Variants in CDK14 observed in about 807,000 individuals in gnomAD.
The protein encoded by CDK14 is cyclin-dependent kinase 14.
CDK14 carries 34 observed loss-of-function variants against 60.7 expected under a neutral mutation model. The observed-to-expected ratio is 0.56, with a 90% confidence interval of 0.43 to 0.75. CDK14 has a LOEUF of 0.75. Ranked by LOEUF, CDK14 falls within the 30% of genes least tolerant of loss-of-function variation. CDK14 has a pLI of 0.00. For missense variants in CDK14, 482 were observed against 564.1 expected, an observed-to-expected ratio of 0.85 and a Z score of 1.47; for synonymous variants, 197 against 203.7, an observed-to-expected ratio of 0.97 and a Z score of 0.28.
At chr7:91,077,250 T>C (rs572402672) in intron 11 of CDK14, among the ~76,000 whole-genome samples, 1 of 152,256 alleles carries the variant, frequency 6.6e-6, no homozygotes, top group East Asian at 1.9e-4. Context: ...CCAACCCAAA[T>C]GCCCATCAAT....
intron 12 of CDK14, among the ~76,000 whole-genome samples, chr7:91,111,901 G>T (rs886656104): frequency 6.6e-6 from 1 of 152,150 alleles, no homozygotes; most frequent in Middle Eastern, 3.4e-3. Context: ...TTATTATTAC[G>T]CCTTTTTCTG....
intron 14 of CDK14, among the ~76,000 whole-genome samples, chr7:91,118,488 C>T (rs1359088872): frequency 2.0e-5 from 3 of 152,196 alleles, no homozygotes; most frequent in Non-Finnish European, 4.4e-5. Context: ...TCACATTCCT[C>T]ATGGAGATTA....
chr7:90,949,622 T>C (rs1794197121), intron 8 of CDK14, among the ~76,000 whole-genome samples: 1 of 152,236 alleles, frequency 6.6e-6, no homozygotes, highest in East Asian at 1.9e-4. Context: ...CTTAACATGT[T>C]TCAGTGTCTT....
At chr7:90,866,541 C>T (rs1363896344) in intron 6 of CDK14, among the ~76,000 whole-genome samples, 3 of 152,042 alleles carry the variant, frequency 2.0e-5, no homozygotes, top group South Asian at 2.1e-4. Flanking sequence ...TCATTAGATA[C>T]TATTGTATTT....
At chr7:90,643,526 A>T (rs909591703) in intron 2 of CDK14, among the ~76,000 whole-genome samples, 2 of 152,198 alleles carry the variant, frequency 1.3e-5, no homozygotes, top group African/African-American at 4.8e-5. Context: ...TAGCTGGTCC[A>T]GTAGTAGCAA....
chr7:90,920,923 C>T (rs1277707374), intron 8 of CDK14, among the ~76,000 whole-genome samples: 3 of 150,466 alleles, frequency 2.0e-5, no homozygotes, highest in East Asian at 3.9e-4. Context: ...TCCAGGTAGT[C>T]AAAATGCTGT....
chr7:91,171,857 G>A (rs1801531631), intron 14 of CDK14, among the ~76,000 whole-genome samples: 1 of 152,138 alleles, frequency 6.6e-6, no homozygotes, highest in South Asian at 2.1e-4. Flanking sequence ...ATGTTGGTTA[G>A]GCTGGTCTCG....
At chr7:90,681,056 C>T (rs1479677604) in intron 2 of CDK14, among the ~76,000 whole-genome samples, 2 of 152,158 alleles carry the variant, frequency 1.3e-5, no homozygotes, top group Admixed American at 6.5e-5. Context: ...ATTTATTTTA[C>T]AAGAGTGCAT....
rs1406818786 is a variant in CDK14 at position 90,946,528 on chromosome 7, C to T, written c.827-9169C>T. On this transcript the variant is annotated intron_variant, in intron 8 of 14. Transcript: ENST00000380050. ...AGTATTACAATAATTCAATATGACC[C>T]AAAGCTTTTTTTTCTTGAATTTGCT... Among the ~76,000 whole-genome samples the T allele has an allele frequency of 5.3e-5, 8 of 152,084 alleles. No homozygotes were observed. In the East Asian group the frequency reaches 1.5e-3, roughly 29 times the overall value.
rs946529784 is a variant in CDK14, at chr7:90,690,817, A to G, written c.124-35750A>G. On this transcript the variant is annotated intron_variant, in intron 2 of 14. Transcript: ENST00000380050. Reference sequence around the variant, plus strand: ...ATTTTCCCCATGGTTGTAATAAAATAATTTTTGTATCATGATATGTAAGAG... The same window carrying G: ...ATTTTCCCCATGGTTGTAATAAAATGATTTTTGTATCATGATATGTAAGAG... Among the ~76,000 whole-genome samples, 8 of 152,206 alleles carry G rather than the reference A, an allele frequency of 5.3e-5. 1 individual carries two copies. Among genetic ancestry groups the G allele is most frequent in the African/African-American group, 1.9e-4 (8 of 41,464 alleles).
intron 2 of CDK14, among the ~76,000 whole-genome samples, chr7:90,686,091 T>C (rs927525193): frequency 2.6e-5 from 4 of 152,270 alleles, no homozygotes; most frequent in Admixed American, 6.5e-5. Flanking sequence ...ATTTTCATCT[T>C]TAAGATGATA....
At chr7:90,809,894 C>T (rs1789018064) in intron 5 of CDK14, among the ~76,000 whole-genome samples, 1 of 152,142 alleles carries the variant, frequency 6.6e-6, no homozygotes, top group South Asian at 2.1e-4. Flanking sequence ...TTCCTGGACA[C>T]ATACACCCTC....
intron 7 of CDK14, among the ~76,000 whole-genome samples, chr7:90,908,667 A>G (rs1388817438): frequency 6.6e-6 from 1 of 152,154 alleles, no homozygotes; most frequent in East Asian, 1.9e-4. Context: ...GTAGTAGAGT[A>G]TACACATATT....
chr7:90,885,866 A>T (rs1791927586), intron 6 of CDK14, among the ~76,000 whole-genome samples: 1 of 152,184 alleles, frequency 6.6e-6, no homozygotes, highest in Non-Finnish European at 1.5e-5. Flanking sequence ...AACATTGAGA[A>T]CACATGGACA....
At chr7:90,622,214 A>G (rs1378445647) in intron 2 of CDK14, among the ~76,000 whole-genome samples, 1 of 152,238 alleles carries the variant, frequency 6.6e-6, no homozygotes, top group Non-Finnish European at 1.5e-5. Context: ...TTCTTAGCTA[A>G]TTAAAAAGTA....
intron 2 of CDK14, among the ~76,000 whole-genome samples, chr7:90,641,535 T>C (rs958955349): frequency 6.6e-6 from 1 of 152,126 alleles, no homozygotes; most frequent in Non-Finnish European, 1.5e-5. Context: ...GGACCACATA[T>C]TGTATGATTC....
chr7:91,064,137 G>A (rs1797897662), intron 11 of CDK14, among the ~76,000 whole-genome samples: 1 of 152,216 alleles, frequency 6.6e-6, no homozygotes, highest in Admixed American at 6.5e-5. Flanking sequence ...AAGGCACTCT[G>A]ACGCAGGTGG....
chr7:90,845,055 C>T (rs1473344912), intron 5 of CDK14, among the ~76,000 whole-genome samples: 1 of 152,132 alleles, frequency 6.6e-6, no homozygotes, highest in East Asian at 1.9e-4. Context: ...TTTACACGTT[C>T]CTTTTTTGTG....
At chr7:90,971,535 T>C (rs1794931963) in intron 9 of CDK14, among the ~76,000 whole-genome samples, 1 of 151,854 alleles carries the variant, frequency 6.6e-6, no homozygotes, top group Non-Finnish European at 1.5e-5. Flanking sequence ...GAGGATAGGA[T>C]TTCAGAAGCA....
Sources: allele counts gnomAD v4.1 joint callset (sites outside exome capture counted in the v4.1 genomes callset), GRCh38; gene constraint gnomAD v4.1.1; transcripts MANE v1.5; gene names NCBI Gene and HGNC (gene_info 2026-07-23, HGNC 2026-07-21).